The following RGS5 variants were observed in gnomAD, a reference collection of about 807,000 sequenced individuals.
The protein encoded by RGS5 is regulator of G-protein signalling 5.
Under a neutral mutation model 18.9 loss-of-function variants are expected in RGS5, and 20 were observed. That is an observed-to-expected ratio of 1.06 (90% confidence interval 0.74 to 1.54). The LOEUF is 1.54. Ranked by LOEUF, RGS5 falls within the 40% of genes most tolerant of loss-of-function variation. The pLI is 0.00. For missense variants in RGS5, 201 were observed against 211.8 expected (o/e 0.95, Z 0.32); for synonymous variants, 57 against 76.2 (o/e 0.75, Z 1.31).
At position 163,154,079 on chromosome 1, in the gene RGS5, C is replaced by T. The variant is rs192052468; in HGVS notation, c.218-1363G>A. Among the ~76,000 whole-genome samples, 80 of 152,226 alleles carry T rather than the reference C, an allele frequency of 5.3e-4. 1 individual carries two copies. Among genetic ancestry groups the T allele is most frequent in the Admixed American group, 1.4e-3 (21 of 15,274 alleles). On this transcript the variant is annotated intron_variant, in intron 3 of 4. Transcript: ENST00000313961. ...GGTCCAGTTTTCTCTAATTTGCCCC[C>T]ACCTGGAAACACTTCTGCAATACAT... is the stretch of plus-strand genomic sequence containing the variant.
At chr1:163,171,969 C>A (rs889934639) in intron 1 of RGS5, among the ~76,000 whole-genome samples, 8 of 152,136 alleles carry the variant, frequency 5.3e-5, no homozygotes, top group African/African-American at 1.9e-4. Context: ...GGGAACTTCT[C>A]AGAGGAGGCA....
chr1:163,281,384 A>G (rs1648987614), intron 2 of RGS5, among the ~76,000 whole-genome samples: 1 of 152,296 alleles, frequency 6.6e-6, no homozygotes, highest in African/African-American at 2.4e-5. Context: ...GCTTCTGGTG[A>G]GAGCCTCAGG....
intron 1 of RGS5, among the ~76,000 whole-genome samples, chr1:163,180,245 G>T (rs1244618118): frequency 6.6e-6 from 1 of 152,158 alleles, no homozygotes; most frequent in Non-Finnish European, 1.5e-5. Context: ...TCAAGTGCTG[G>T]AATTACAGGT....
At chr1:163,240,094 C>T (rs1485673096) in intron 2 of RGS5, among the ~76,000 whole-genome samples, 2 of 151,336 alleles carry the variant, frequency 1.3e-5, no homozygotes, top group Non-Finnish European at 2.9e-5. Context: ...CTGCCCTATG[C>T]CTCAGCAATT....
At chr1:163,172,453 A>G in intron 1 of RGS5, 4 of 1,284,304 alleles carry the variant, frequency 3.1e-6, no homozygotes, top group Non-Finnish European at 4.3e-6. Context: ...TATCTATATC[A>G]CTGCTTAAAT....
chr1:163,271,652 T>G lies in RGS5; in HGVS notation c.-281+34581A>C, dbSNP rs115175498. Among the ~76,000 whole-genome samples the G allele has an allele frequency of 4.9e-3, 740 of 152,290 alleles. 5 individuals carry two copies. Among genetic ancestry groups the G allele is most frequent in the African/African-American group, 0.017 (696 of 41,560 alleles). ...TTTTACTTTTCATTCCTGAGTAGTA[T>G]TTTGTTGTTTGGACACACCACATGT... On this transcript the variant is annotated intron_variant, in intron 2 of 5. Transcript: ENST00000618415.
intron 1 of RGS5, among the ~76,000 whole-genome samples, chr1:163,180,324 C>T (rs1028438995): frequency 4.6e-5 from 7 of 152,090 alleles, no homozygotes; most frequent in African/African-American, 1.7e-4. Flanking sequence ...CTATATTTAC[C>T]ACCCTTCTCC....
chr1:163,255,815 A>T (rs1489696942), intron 2 of RGS5, among the ~76,000 whole-genome samples: 3 of 152,074 alleles, frequency 2.0e-5, no homozygotes, highest in African/African-American at 4.8e-5. Flanking sequence ...ATATATGCAA[A>T]TCAATAAATG....
chr1:163,163,507 G>A (rs972008218), intron 2 of RGS5, among the ~76,000 whole-genome samples: 1 of 152,104 alleles, frequency 6.6e-6, no homozygotes, highest in Non-Finnish European at 1.5e-5. Flanking sequence ...CATGAACGGG[G>A]TGATTATAAT....
intron 2 of RGS5, among the ~76,000 whole-genome samples, chr1:163,305,793 T>C (rs1557937332): frequency 6.6e-6 from 1 of 152,148 alleles, no homozygotes; most frequent in Non-Finnish European, 1.5e-5. Flanking sequence ...GATTCTCTTG[T>C]AGCACATTCC....
intron 1 of RGS5, among the ~76,000 whole-genome samples, chr1:163,217,004 G>T (rs932665238): frequency 3.3e-5 from 5 of 152,052 alleles, no homozygotes; most frequent in African/African-American, 4.8e-5. Flanking sequence ...AATACCGCAT[G>T]GTCTCACATA....
chr1:163,249,612 G>A (rs1401328812), intron 2 of RGS5, among the ~76,000 whole-genome samples: 4 of 152,214 alleles, frequency 2.6e-5, no homozygotes, highest in African/African-American at 4.8e-5. Flanking sequence ...CCAGCATGGC[G>A]AAACCCTGTC....
At chr1:163,147,747 T>C (rs924439776) in intron 4 of RGS5, among the ~76,000 whole-genome samples, 3 of 151,928 alleles carry the variant, frequency 2.0e-5, no homozygotes, top group Non-Finnish European at 4.4e-5. Context: ...AACACACACA[T>C]TACTTATTTA....
intron 2 of RGS5, among the ~76,000 whole-genome samples, chr1:163,166,312 A>G (rs1658046515): frequency 9.7e-6 from 1 of 102,962 alleles, no homozygotes; most frequent in Non-Finnish European, 2.3e-5. Context: ...AGAACTCAAA[A>G]ATACATGTTA....
At chr1:163,184,907 T>G (rs1469074274) in intron 1 of RGS5, among the ~76,000 whole-genome samples, 1 of 152,208 alleles carries the variant, frequency 6.6e-6, no homozygotes, top group Non-Finnish European at 1.5e-5. Flanking sequence ...ACTAAGCTTG[T>G]GGCAACTGTT....
rs1657074978 is a variant in RGS5, at chr1:163,144,994, T to C, written c.*2348A>G. 6.6e-6 allele frequency: 1 copy of C among 152,212 alleles called. No individual in the cohort carries two copies. The highest frequency in any genetic ancestry group is 2.4e-5 in the African/African-American group (1 of 41,474). The allele number at this position is 152,212 out of a possible 1,614,324, so 9.4% of individuals were successfully genotyped here. ...ATGTAGATATAGATAGATAGATATA[T>C]GTAGATATATAGATATAATGTCACA... On this transcript the variant is annotated 3_prime_UTR_variant, in exon 5 of 5. Transcript: ENST00000313961.
Position 163,163,484 on chromosome 1 carries a change from G to GAA in RGS5, c.156-1510_156-1509dup, listed in dbSNP as rs11382845. ...TGGCTAGTATAAAGGAGCACACAAA[G>GAA]AAAAAAAAATGGCATGAACGGGGTG... is the stretch of plus-strand genomic sequence containing the variant. On this transcript the variant is annotated intron_variant, in intron 2 of 4. Transcript: ENST00000313961. Among the ~76,000 whole-genome samples, 22 of 151,188 alleles carry GAA rather than the reference G, an allele frequency of 1.5e-4. No homozygotes were observed. In the South Asian group the frequency reaches 2.7e-3, roughly 19 times the overall value.
At chr1:163,281,371 T>C (rs755588507) in intron 2 of RGS5, among the ~76,000 whole-genome samples, 3 of 152,278 alleles carry the variant, frequency 2.0e-5, no homozygotes, top group Admixed American at 6.5e-5. Context: ...GATGCTAGCA[T>C]CTGCTTCTGG....
intron 2 of RGS5, among the ~76,000 whole-genome samples, chr1:163,268,957 G>A (rs1435469227): frequency 6.6e-6 from 1 of 152,092 alleles, no homozygotes; most frequent in Admixed American, 6.6e-5. Context: ...TGGGTTAGTT[G>A]TAAAAGTTAA....
Sources: gnomAD v4.1 joint callset for allele counts (sites outside exome capture counted in the v4.1 genomes callset) on GRCh38, gnomAD v4.1.1 for gene constraint, MANE v1.5 for transcripts, NCBI Gene and HGNC (gene_info 2026-07-23, HGNC 2026-07-21) for gene names.